The following ITGA11 variants were observed in gnomAD, a reference collection of about 807,000 sequenced individuals.
ITGA11 encodes integrin alpha-11.
Under a neutral mutation model 141.9 loss-of-function variants are expected in ITGA11, and 97 were observed. The observed-to-expected ratio is 0.68, with a 90% CI of 0.58 to 0.81. The LOEUF (loss-of-function observed/expected upper bound fraction) is 0.81, where lower values mean the gene tolerates loss of function less well. ITGA11 is among the 30% of genes least tolerant of loss of function. ITGA11 has a pLI of 0.00. For synonymous variants in ITGA11, 658 were observed against 624.6 expected, an observed-to-expected ratio of 1.05 and a Z score of -0.80; for missense variants, 1,387 against 1,559.2, an observed-to-expected ratio of 0.89 and a Z score of 1.86.
At chr15:68,315,224 G>A (rs1275475712) in intron 22 of ITGA11, among the ~76,000 whole-genome samples, 10 of 152,164 alleles carry the variant, frequency 6.6e-5, no homozygotes, top group Admixed American at 6.6e-4. Flanking sequence ...GTGTCCCTGG[G>A]AAATTCACTC....
Position 68,372,648 on chromosome 15 carries a change from T to C in ITGA11, c.165-3364A>G, listed in dbSNP as rs539715607. On this transcript the variant is annotated intron_variant, in intron 2 of 29. Coordinates refer to ENST00000315757, the MANE Select transcript of ITGA11 (RefSeq NM_001004439.2). ...TAAGAAGGGCCTTGCCAAGAGAGGATGGTCCCTGTGGAGACTGCACTCTGG... is the reference window on the plus strand; with the variant it reads ...TAAGAAGGGCCTTGCCAAGAGAGGACGGTCCCTGTGGAGACTGCACTCTGG... Among the ~76,000 whole-genome samples, 99 of 152,334 alleles carry C rather than the reference T, an allele frequency of 6.5e-4. 1 individual carries two copies. Among genetic ancestry groups the C allele is most frequent in the African/African-American group, 2.0e-3 (85 of 41,588 alleles).
intron 1 of ITGA11, among the ~76,000 whole-genome samples, chr15:68,418,841 G>C (rs992675989): frequency 1.3e-4 from 19 of 151,632 alleles, no homozygotes; most frequent in African/African-American, 4.6e-4. Context: ...TGGGTGTGTG[G>C]ATCAAGAGCC....
chr15:68,361,917 G>A (rs1595877812), intron 4 of ITGA11: 1 of 483,022 alleles, frequency 2.1e-6, no homozygotes, highest in East Asian at 3.7e-5. Context: ...GAGAAAAACT[G>A]ATCTTGGAGT....
At chr15:68,318,146 G>A (rs930414103) in intron 20 of ITGA11, among the ~76,000 whole-genome samples, 2 of 152,144 alleles carry the variant, frequency 1.3e-5, no homozygotes, top group African/African-American at 2.4e-5. Flanking sequence ...CGTTTCCTGG[G>A]TTGGGGATGG....
intron 3 of ITGA11, among the ~76,000 whole-genome samples, chr15:68,368,028 G>A (rs8043262): frequency 0.93 from 141,792 of 152,226 alleles, 66,378 homozygotes; most frequent in Middle Eastern, 0.98. Context: ...TGGTGCTGAT[G>A]CAGATGTGGA....
At position 68,335,985 on chromosome 15, in the gene ITGA11, C is replaced by G. The variant is rs551869167; in HGVS notation, c.1277-140G>C. The stretch of plus-strand genomic sequence containing the variant: ...GGCTAGCTGAGCAGATTCAATCACG[C>G]AGGGCCATAATTCCTAGGGGCAGCT... On this transcript the variant is annotated intron_variant, in intron 11 of 29. Coordinates refer to ENST00000315757, the MANE Select transcript of ITGA11 (RefSeq NM_001004439.2). The surrounding 1 kb of genome is among the most constrained non-coding windows in gnomAD (Gnocchi z 4.9). The G allele has an allele frequency of 2.0e-6, 2 of 995,644 alleles. No homozygotes were observed. The highest frequency in any genetic ancestry group is 5.3e-5 in the East Asian group (2 of 38,056). The allele number at this position is 995,644 out of a possible 1,614,324, so 61.7% of individuals were successfully genotyped here.
At chr15:68,417,955 A>C (rs1477056315) in intron 1 of ITGA11, among the ~76,000 whole-genome samples, 1 of 152,210 alleles carries the variant, frequency 6.6e-6, no homozygotes, top group East Asian at 1.9e-4. Context: ...CTACTTGGAC[A>C]CTGTCTCCTC....
rs570373474 is a variant in ITGA11, at chr15:68,340,345, C to T, written c.1132-701G>A. Reference sequence around the variant, plus strand: ...AGTCTTCGAGGATGTCATGTTTACCCGTGTACCTGAAAGATGGGTAGAGCC... The same window carrying T: ...AGTCTTCGAGGATGTCATGTTTACCTGTGTACCTGAAAGATGGGTAGAGCC... On this transcript the variant is annotated intron_variant, in intron 10 of 29. Coordinates refer to ENST00000315757, the MANE Select transcript of ITGA11 (RefSeq NM_001004439.2). 2.3e-4 allele frequency among the ~76,000 whole-genome samples: 35 copies of T among 152,248 alleles called. No individual in the cohort carries two copies. In the East Asian group the frequency reaches 5.8e-3, roughly 25 times the overall value.
intron 11 of ITGA11, 24 bp downstream of exon 11, chr15:68,339,476 C>T: frequency 6.2e-7 from 1 of 1,603,188 alleles, no homozygotes; most frequent in Non-Finnish European, 8.5e-7. Flanking sequence ...GACCCGCCAG[C>T]CTCCCCTCAC....
chr15:68,332,137 C>A, intron 13 of ITGA11, 75 bp from the exon 14 acceptor site: 1 of 1,351,484 alleles, frequency 7.4e-7, no homozygotes, highest in Non-Finnish European at 1.0e-6. Flanking sequence ...CCTCTGCAGG[C>A]TGCTCCGGCA....
Position 68,326,515 on chromosome 15 carries a change from G to A in ITGA11, c.2211+139C>T, listed in dbSNP as rs1893975667. On this transcript the variant is annotated intron_variant, in intron 17 of 29. Coordinates refer to ENST00000315757, the MANE Select transcript of ITGA11 (RefSeq NM_001004439.2). The surrounding 1 kb of genome is among the most constrained non-coding windows in gnomAD (Gnocchi z 6.8). ...GAGGTGGGAATGTGGAGTGGCCAAG[G>A]TCAGGGTACACTGTCCCTGGCTGGC... is the stretch of plus-strand genomic sequence containing the variant. The A allele has an allele frequency of 1.1e-6, 1 of 879,566 alleles. No homozygotes were observed. The highest frequency in any genetic ancestry group is 1.7e-5 in the African/African-American group (1 of 59,532). The allele number at this position is 879,566 out of a possible 1,614,324, so 54.5% of individuals were successfully genotyped here. A position where few individuals can be genotyped will look rare whatever the true frequency, so the allele number is the denominator to read the frequency against.
At position 68,357,389 on chromosome 15, in the gene ITGA11, C is replaced by T. The variant is rs1895104931; in HGVS notation, c.601-90G>A. 8 of 1,489,774 alleles carry T rather than the reference C, an allele frequency of 5.4e-6. No individual in the cohort carries two copies. In the South Asian group the frequency reaches 6.6e-5, roughly 12 times the overall value. 92.3% of individuals were successfully genotyped at this position (1,489,774 alleles called of 1,614,324 possible). ...GAGAGTGAGGATCCCCGGGAGTTGTCTCTGTGTGATAATACAGGAGGGAGG... is the reference window on the plus strand; with the variant it reads ...GAGAGTGAGGATCCCCGGGAGTTGTTTCTGTGTGATAATACAGGAGGGAGG... On this transcript the variant is annotated intron_variant, in intron 6 of 29. Coordinates refer to ENST00000315757, the MANE Select transcript of ITGA11 (RefSeq NM_001004439.2).
In ITGA11 at chr15:68,342,422, G is replaced by C. The variant is rs78614417; in HGVS notation, c.1132-2778C>G. On this transcript the variant is annotated intron_variant, in intron 10 of 29. Transcript: ENST00000315757. ...CGTTCTGTGTAGACATGAGGTCTCAGGCTTGGCAGCTGTCAGAAGGTCTGA... is the reference window on the plus strand; with the variant it reads ...CGTTCTGTGTAGACATGAGGTCTCACGCTTGGCAGCTGTCAGAAGGTCTGA... 6.3e-3 allele frequency among the ~76,000 whole-genome samples: 967 copies of C among 152,304 alleles called. 4 individuals are homozygous for C. The highest frequency in any genetic ancestry group is 0.011 in the Non-Finnish European group (733 of 68,022).
At chr15:68,396,490 G>A (rs1896245074) in intron 2 of ITGA11, among the ~76,000 whole-genome samples, 2 of 151,774 alleles carry the variant, frequency 1.3e-5, no homozygotes, top group South Asian at 4.1e-4. Context: ...ATGAAATATT[G>A]GAAAATTTCA....
intron 1 of ITGA11, among the ~76,000 whole-genome samples, chr15:68,427,346 G>A (rs1320818675): frequency 6.6e-6 from 1 of 152,144 alleles, no homozygotes; most frequent in Non-Finnish European, 1.5e-5. Flanking sequence ...TAACCTGATT[G>A]TTGTCCTATG....
At chr15:68,399,050 G>C (rs941846061) in intron 2 of ITGA11, among the ~76,000 whole-genome samples, 2 of 151,862 alleles carry the variant, frequency 1.3e-5, no homozygotes, top group Non-Finnish European at 2.9e-5. Flanking sequence ...AGCAAATTTT[G>C]TTGGAGGAAA....
chr15:68,412,928 G>A (rs551596324), intron 1 of ITGA11, among the ~76,000 whole-genome samples: 10 of 151,996 alleles, frequency 6.6e-5, no homozygotes, highest in African/African-American at 1.4e-4. Flanking sequence ...TACCTGCCTC[G>A]GCCTCCCAAA....
chr15:68,422,416 C>A (rs907687821), intron 1 of ITGA11, among the ~76,000 whole-genome samples: 3 of 152,068 alleles, frequency 2.0e-5, no homozygotes, highest in Non-Finnish European at 2.9e-5. Context: ...AAATTCTATC[C>A]CCCTGGGTTC....
intron 7 of ITGA11, among the ~76,000 whole-genome samples, chr15:68,352,382 G>A (rs1207874156): frequency 1.3e-5 from 2 of 151,948 alleles, no homozygotes; most frequent in South Asian, 2.1e-4. Context: ...TAATAGAGAC[G>A]GGGTTTTGCC....
Sources: allele counts gnomAD v4.1 joint callset (sites outside exome capture counted in the v4.1 genomes callset), GRCh38; gene constraint gnomAD v4.1.1; non-coding constraint Gnocchi (gnomAD v3.1); transcripts MANE v1.5; gene names NCBI Gene and HGNC (gene_info 2026-07-23, HGNC 2026-07-21).